KLRF2: variants seen among roughly 807,000 people sequenced by gnomAD.
The protein encoded by KLRF2 is killer cell lectin-like receptor subfamily F member 2.
A neutral mutation model predicts 25.3 loss-of-function variants in KLRF2; 28 were observed. The ratio of observed to expected loss-of-function variants is 1.11; its 90% CI spans 0.82 to 1.52. KLRF2 has a LOEUF of 1.52. Ranked by LOEUF, KLRF2 falls within the 40% of genes most tolerant of loss-of-function variation. The pLI is 0.00. For synonymous variants in KLRF2, 73 were observed against 85.0 expected (o/e 0.86, Z 0.78); for missense variants, 265 against 245.8 (o/e 1.08, Z -0.52).
At chr12:9,889,534 T>C (rs555807902) in intron 3 of KLRF2, among the ~76,000 whole-genome samples, 13 of 152,096 alleles carry the variant, frequency 8.5e-5, no homozygotes, top group Non-Finnish European at 1.0e-4. Context: ...AGATATAATA[T>C]TAATTTTTCC....
intron 1 of KLRF2, among the ~76,000 whole-genome samples, chr12:9,882,529 G>A (rs1444543959): frequency 2.6e-5 from 4 of 152,088 alleles, no homozygotes; most frequent in African/African-American, 9.7e-5. Context: ...TGTAATCCCA[G>A]CACTTTGGGA....
At chr12:9,892,478 TCAGA>T (rs1273287413) in intron 3 of KLRF2, among the ~76,000 whole-genome samples, 4 of 151,976 alleles carry the variant, frequency 2.6e-5, no homozygotes, top group Admixed American at 2.6e-4. Context: ...ATTATGGGGA[TCAGA>T]ATTCACAGGC....
At position 9,893,048 on chromosome 12, in the gene KLRF2, G is replaced by A. The variant is rs1022883003; in HGVS notation, c.246G>A (p.Trp82Ter). The part of the protein sequence containing the change: ...SGHNYLCPND[W>*]LLNEGKCYWF... ...ACAATTACTTGTGCCCAAATGACTG[G>A]CTGTTGAACGAAGGGAAATGTTACT... Residue 82 changes from tryptophan to a stop codon, truncating the protein, a stop_gained, in exon 4 of 6, where the codon TGG (tryptophan) becomes TGA (stop). Coordinates refer to ENST00000535540, the MANE Select transcript of KLRF2 (RefSeq NM_001190765.1). LOFTEE classifies it high-confidence loss of function. 2 of 1,535,500 alleles carry A rather than the reference G, an allele frequency of 1.3e-6. No individual in the cohort carries two copies. The highest frequency in any genetic ancestry group is 1.7e-6 in the Non-Finnish European group (2 of 1,146,520).
rs2137001126 is a variant in KLRF2 at position 9,890,264 on chromosome 12, GT to G, written c.217+1488del. Among the ~76,000 whole-genome samples, 3 of 152,290 alleles carry G rather than the reference GT, an allele frequency of 2.0e-5. No homozygotes were observed. The South Asian group carries it at 6.2e-4, about 32-fold the overall frequency. ...ATAACAAATTACCACACAGTTGGCA[GT>G]TTTACAACATATACTTGTTACCTCA... On this transcript the variant is annotated intron_variant, in intron 3 of 5. Transcript: ENST00000535540.
In KLRF2 at chr12:9,882,712, C is replaced by T. The variant is rs902149234; in HGVS notation, c.70+1047C>T. 3.3e-5 allele frequency among the ~76,000 whole-genome samples: 5 copies of T among 152,044 alleles called. No homozygotes were observed. In the South Asian group the frequency reaches 8.3e-4, roughly 25 times the overall value. On this transcript the variant is annotated intron_variant, in intron 1 of 5. Coordinates refer to ENST00000535540, the MANE Select transcript of KLRF2 (RefSeq NM_001190765.1). ...AGGAGAATCGCTTGAACCCGGGAGA[C>T]GGAGGTTGCAGTCAGCTGAGATCAT...
chr12:9,893,400 A>G, intron 4 of KLRF2, 29 bp from the exon 5 acceptor site: 1 of 1,079,142 alleles, frequency 9.3e-7, no homozygotes, highest in Non-Finnish European at 1.3e-6. Context: ...TAAACAAATG[A>G]ATGAATAAAT....
intron 5 of KLRF2, among the ~76,000 whole-genome samples, 155 bp from the exon 6 acceptor site, chr12:9,895,534 A>C (rs1462491502): frequency 6.6e-6 from 1 of 152,232 alleles, no homozygotes; most frequent in African/African-American, 2.4e-5. Context: ...GAAAGAGGAG[A>C]AGAGGCTGCA....
intron 2 of KLRF2, among the ~76,000 whole-genome samples, chr12:9,887,269 AAG>A (rs1197807901): frequency 6.6e-6 from 1 of 152,182 alleles, no homozygotes; most frequent in East Asian, 1.9e-4. Flanking sequence ...AATACATAGA[AAG>A]AGATGATAGA....
intron 1 of KLRF2, among the ~76,000 whole-genome samples, chr12:9,882,663 C>G (rs900413659): frequency 6.6e-6 from 1 of 151,960 alleles, no homozygotes; most frequent in Non-Finnish European, 1.5e-5. Context: ...TGCCTGTAAT[C>G]CCAACTACTT....
chr12:9,882,453 T>A (rs1335203438), intron 1 of KLRF2, among the ~76,000 whole-genome samples: 1 of 152,168 alleles, frequency 6.6e-6, no homozygotes, highest in African/African-American at 2.4e-5. Context: ...CTTACTTCCA[T>A]GCAGCAAAAA....
intron 2 of KLRF2, 73 bp downstream of exon 2, chr12:9,885,105 A>G (rs1868135625): frequency 2.1e-6 from 1 of 470,298 alleles, no homozygotes; most frequent in Non-Finnish European, 3.4e-6. Context: ...TCTTAATGCC[A>G]AGATAAACTC....
chr12:9,892,580 C>CTTTT (rs66824753), intron 3 of KLRF2, among the ~76,000 whole-genome samples: 37 of 104,812 alleles, frequency 3.5e-4, no homozygotes, highest in Non-Finnish European at 4.6e-4. Context: ...TACAGAACTG[C>CTTTT]TTTTTTTTTT....
rs771479152 is a variant in KLRF2 at position 9,895,735 on chromosome 12, A to T, written c.526A>T (p.Thr176Ser). 392 of 1,535,860 alleles carry T rather than the reference A, an allele frequency of 2.6e-4. No individual in the cohort carries two copies. The highest frequency in any genetic ancestry group is 3.1e-4 in the Non-Finnish European group (360 of 1,146,770). The change falls in exon 6 of 6, where the codon ACA (threonine) becomes TCA (serine). Residue 176 changes from threonine to serine, a missense_variant. Physicochemically the swap from Thr to Ser is moderately conservative, Grantham distance 58 (BLOSUM62 1). Transcript: ENST00000535540. ...PTDDRSCAVITGNWVYSEDCS... is the reference protein window; with the variant it reads ...PTDDRSCAVISGNWVYSEDCS... ...TGATGACAGGAGCTGTGCCGTTATC[A>T]CAGGAAACTGGGTGTATTCTGAAGA...
intron 5 of KLRF2, among the ~76,000 whole-genome samples, chr12:9,895,177 T>C (rs1253209255): frequency 6.6e-6 from 1 of 152,206 alleles, no homozygotes; most frequent in Non-Finnish European, 1.5e-5. Flanking sequence ...CCAACTCACA[T>C]CATTATAGCA....
chr12:9,890,047 C>T (rs1380763379), intron 3 of KLRF2, among the ~76,000 whole-genome samples: 2 of 151,922 alleles, frequency 1.3e-5, no homozygotes, highest in Non-Finnish European at 2.9e-5. Flanking sequence ...ATTATCAATA[C>T]ATAATCAATA....
At chr12:9,888,583 G>C (rs1862634466) in intron 2 of KLRF2, 150 bp from the exon 3 acceptor site, 2 of 476,322 alleles carry the variant, frequency 4.2e-6, no homozygotes, top group Admixed American at 6.7e-5. Flanking sequence ...AGTTAAATCT[G>C]GGGAAGAAGA....
intron 3 of KLRF2, among the ~76,000 whole-genome samples, chr12:9,889,551 T>C (rs1321029773): frequency 6.6e-6 from 1 of 152,106 alleles, no homozygotes; most frequent in Non-Finnish European, 1.5e-5. Context: ...TTCCTGGGTT[T>C]TCATCCTGTT....
At chr12:9,884,275 A>G (rs1245483116) in intron 1 of KLRF2, among the ~76,000 whole-genome samples, 1 of 152,056 alleles carries the variant, frequency 6.6e-6, no homozygotes, top group Non-Finnish European at 1.5e-5. Flanking sequence ...ATGAAATACT[A>G]TAGCATAGAT....
intron 5 of KLRF2, among the ~76,000 whole-genome samples, chr12:9,895,463 G>A (rs1480351116): frequency 2.0e-5 from 3 of 152,186 alleles, no homozygotes; most frequent in East Asian, 3.8e-4. Context: ...TGAGAGGTAA[G>A]GAAGAAGCTG....
Sources: allele counts gnomAD v4.1 joint callset (sites outside exome capture counted in the v4.1 genomes callset), GRCh38; gene constraint gnomAD v4.1.1; transcripts MANE v1.5; gene names NCBI Gene and HGNC (gene_info 2026-07-23, HGNC 2026-07-21).